The following MAST2 variants were observed in gnomAD, a reference collection of about 807,000 sequenced individuals.
MAST2 encodes microtubule-associated serine/threonine-protein kinase 2.
In MAST2, 70 loss-of-function variants were observed where a neutral mutation model predicts 147.4. That is an observed-to-expected ratio of 0.47 (90% confidence interval 0.39 to 0.58). The LOEUF is 0.58. MAST2 is among the 20% of genes least tolerant of loss of function. The pLI is 0.00. For missense variants in MAST2, 2,080 were observed against 2,302.3 expected (o/e 0.90, Z 1.98); for synonymous variants, 869 against 896.8 (o/e 0.97, Z 0.55).
intron 10 of MAST2, among the ~76,000 whole-genome samples, chr1:46,013,474 A>G (rs1037809567): frequency 2.6e-5 from 4 of 152,170 alleles, no homozygotes; most frequent in African/African-American, 9.7e-5. Flanking sequence ...TGAGGTCGGG[A>G]GTTCCAGACC....
chr1:45,944,341 T>A (rs775667695), intron 4 of MAST2, among the ~76,000 whole-genome samples: 16 of 152,254 alleles, frequency 1.1e-4, no homozygotes, highest in Non-Finnish European at 2.2e-4. Flanking sequence ...TGAAATTCCC[T>A]TACCCCATTC....
intron 5 of MAST2, among the ~76,000 whole-genome samples, chr1:45,986,807 A>G (rs1298464468): frequency 6.6e-6 from 1 of 151,960 alleles, no homozygotes; most frequent in African/African-American, 2.4e-5. Context: ...ATATGTATGC[A>G]TCTATATTCA....
chr1:45,861,397 C>G (rs1450553344), intron 3 of MAST2, among the ~76,000 whole-genome samples: 8 of 151,786 alleles, frequency 5.3e-5, no homozygotes, highest in Non-Finnish European at 5.9e-5. Flanking sequence ...TTCTTGTTCT[C>G]TGTATTATCT....
chr1:46,023,203 C>G lies in MAST2; in HGVS notation c.1486-30C>G. Reference sequence around the variant, plus strand: ...AGGATATGGGCTCTGAGAAGCATGCCTGTCTCCTGCCTTTTCCCTTGTCTT... The same window carrying G: ...AGGATATGGGCTCTGAGAAGCATGCGTGTCTCCTGCCTTTTCCCTTGTCTT... On this transcript the variant is annotated intron_variant, in intron 13 of 28. Coordinates refer to ENST00000361297, the MANE Select transcript of MAST2 (RefSeq NM_015112.3). The surrounding 1 kb of genome is among the most constrained non-coding windows in gnomAD (Gnocchi z 4.9). 2 of 1,592,416 alleles carry G rather than the reference C, an allele frequency of 1.3e-6. No homozygotes were observed. The highest frequency in any genetic ancestry group is 1.7e-6 in the Non-Finnish European group (2 of 1,160,170).
intron 4 of MAST2, among the ~76,000 whole-genome samples, chr1:45,929,120 C>T (rs1443485713): frequency 6.6e-6 from 1 of 152,052 alleles, no homozygotes; most frequent in Non-Finnish European, 1.5e-5. Flanking sequence ...ATAATTATCA[C>T]CTAGATTCAT....
intron 5 of MAST2, among the ~76,000 whole-genome samples, chr1:45,981,678 A>T (rs1169385810): frequency 1.3e-5 from 2 of 152,166 alleles, no homozygotes; most frequent in Non-Finnish European, 2.9e-5. Flanking sequence ...AGAAATGTAC[A>T]AGGGCAGCTT....
At chr1:45,960,194 A>G (rs1012153103) in intron 5 of MAST2, among the ~76,000 whole-genome samples, 1 of 152,178 alleles carries the variant, frequency 6.6e-6, no homozygotes, top group Non-Finnish European at 1.5e-5. Flanking sequence ...ACTGATTTAC[A>G]TGGCTCTGAA....
intron 4 of MAST2, among the ~76,000 whole-genome samples, chr1:45,936,078 GT>G (rs1656145430): frequency 6.6e-6 from 1 of 152,122 alleles, no homozygotes; most frequent in Non-Finnish European, 1.5e-5. Context: ...TTTCAGCAGT[GT>G]TTTTTAATTC....
intron 4 of MAST2, among the ~76,000 whole-genome samples, chr1:45,954,552 C>T (rs1021784082): frequency 4.6e-5 from 7 of 152,126 alleles, no homozygotes; most frequent in Admixed American, 2.0e-4. Flanking sequence ...ACCACCCGTC[C>T]GCTGAGAGTT....
At chr1:45,921,185 G>A (rs1219531638) in intron 4 of MAST2, among the ~76,000 whole-genome samples, 1 of 152,086 alleles carries the variant, frequency 6.6e-6, no homozygotes, top group Non-Finnish European at 1.5e-5. Context: ...TAGTAGAGAC[G>A]GGGTTTCACC....
intron 5 of MAST2, among the ~76,000 whole-genome samples, chr1:45,960,264 T>G (rs1660233002): frequency 1.3e-5 from 2 of 152,128 alleles, no homozygotes; most frequent in African/African-American, 4.8e-5. Flanking sequence ...ATCCCAGCAC[T>G]TTGGGAAGCT....
At chr1:45,934,370 C>T (rs561305154) in intron 4 of MAST2, among the ~76,000 whole-genome samples, 2 of 152,246 alleles carry the variant, frequency 1.3e-5, no homozygotes, top group East Asian at 1.9e-4. Context: ...CCTGTATTTC[C>T]AGCTACTCGG....
intron 4 of MAST2, among the ~76,000 whole-genome samples, chr1:45,939,479 T>G (rs1332486705): frequency 1.3e-5 from 2 of 152,130 alleles, no homozygotes; most frequent in Non-Finnish European, 2.9e-5. Flanking sequence ...CAAAATTATT[T>G]TATGTGTTTT....
chr1:45,943,510 A>T (rs1441987195), intron 4 of MAST2, among the ~76,000 whole-genome samples: 2 of 152,216 alleles, frequency 1.3e-5, no homozygotes, highest in Non-Finnish European at 2.9e-5. Context: ...TAACGAAAAG[A>T]TGCTTATGAA....
chr1:45,805,806 A>G (rs1333991385), intron 1 of MAST2, among the ~76,000 whole-genome samples: 1 of 152,116 alleles, frequency 6.6e-6, no homozygotes, highest in African/African-American at 2.4e-5. Context: ...TCTTTGTTTT[A>G]TATCACAAAT....
chr1:45,921,586 G>T (rs1320419065), intron 4 of MAST2, among the ~76,000 whole-genome samples: 2 of 152,194 alleles, frequency 1.3e-5, no homozygotes, highest in Non-Finnish European at 2.9e-5. Flanking sequence ...TAGCTCCAAG[G>T]GCTGGCATGG....
chr1:45,853,570 T>A (rs1235103535), intron 3 of MAST2, among the ~76,000 whole-genome samples: 1 of 152,030 alleles, frequency 6.6e-6, no homozygotes, highest in Non-Finnish European at 1.5e-5. Flanking sequence ...ACCAGGCTGG[T>A]GTTGAACTCC....
chr1:46,022,188 C>T, intron 12 of MAST2, 106 bp downstream of exon 12: 1 of 1,456,984 alleles, frequency 6.9e-7, no homozygotes, highest in Non-Finnish European at 9.3e-7. Flanking sequence ...ATGGACACAA[C>T]ATGGCCCCGG....
intron 6 of MAST2, chr1:46,001,047 G>A (rs772527447): frequency 5.5e-5 from 67 of 1,207,966 alleles, no homozygotes; most frequent in Middle Eastern, 4.3e-4. Context: ...TATGGTTTGT[G>A]ATGTTGTGGT....
Sources: gnomAD v4.1 joint callset for allele counts (sites outside exome capture counted in the v4.1 genomes callset) on GRCh38, gnomAD v4.1.1 for gene constraint, Gnocchi (gnomAD v3.1) non-coding constraint, MANE v1.5 for transcripts, NCBI Gene and HGNC (gene_info 2026-07-23, HGNC 2026-07-21) for gene names.